Variants in AHI1 observed in about 807,000 individuals in gnomAD.
The protein encoded by AHI1 is Abelson helper integration site 1.
In AHI1, 123 loss-of-function variants were observed where a neutral mutation model predicts 149.3. The observed-to-expected ratio is 0.82, with a 90% CI of 0.71 to 0.96. The LOEUF is 0.96. Among genes scored for constraint, AHI1 ranks in the 40% least tolerant of loss-of-function variants. The pLI is 0.00. For missense variants in AHI1, 1,439 were observed against 1,422.7 expected, an observed-to-expected ratio of 1.01 and a Z score of -0.18; for synonymous variants, 475 against 459.8, an observed-to-expected ratio of 1.03 and a Z score of -0.42.
chr6:135,297,619 G>A (rs1783275062), intron 27 of AHI1: 3 of 425,338 alleles, frequency 7.1e-6, no homozygotes, highest in African/African-American at 2.0e-5. Flanking sequence ...AATGCATCTA[G>A]CTCACTGCTG....
chr6:135,441,050 C>T lies in AHI1; in HGVS notation c.1912+1532G>A, dbSNP rs1401293091. 2.6e-5 allele frequency among the ~76,000 whole-genome samples: 4 copies of T among 151,520 alleles called. No individual in the cohort carries two copies. In the East Asian group the frequency reaches 7.7e-4, roughly 29 times the overall value. Reference sequence around the variant, plus strand: ...TTCAATCCACTATTATAAATATATTCCAAGATCTAAAGAAAACTATATCTA... The same window carrying T: ...TTCAATCCACTATTATAAATATATTTCAAGATCTAAAGAAAACTATATCTA... On this transcript the variant is annotated intron_variant, in intron 14 of 28. Transcript: ENST00000265602.
intron 5 of AHI1, among the ~76,000 whole-genome samples, chr6:135,475,567 T>C (rs1215059432): frequency 6.6e-6 from 1 of 152,218 alleles, no homozygotes; most frequent in Admixed American, 6.5e-5. Flanking sequence ...ACACAGGCAC[T>C]GAATGCTCTG....
At chr6:135,299,038 T>G (rs996870617) in intron 27 of AHI1, among the ~76,000 whole-genome samples, 4 of 152,192 alleles carry the variant, frequency 2.6e-5, no homozygotes, top group Admixed American at 2.0e-4. Context: ...TGTATTTTGT[T>G]GTTGAGTATA....
chr6:135,295,757 G>C (rs1783002531), intron 27 of AHI1, among the ~76,000 whole-genome samples: 1 of 152,220 alleles, frequency 6.6e-6, no homozygotes, highest in Admixed American at 6.5e-5. Flanking sequence ...AAGAGCATCA[G>C]AAGTCTTGGA....
chr6:135,432,970 T>C, intron 16 of AHI1, 57 bp downstream of exon 16: 1 of 1,314,982 alleles, frequency 7.6e-7, no homozygotes, highest in Non-Finnish European at 1.1e-6. Context: ...ATAACTATTA[T>C]TCTGGTAAAA....
intron 24 of AHI1, among the ~76,000 whole-genome samples, chr6:135,328,496 T>C (rs535306744): frequency 0.011 from 516 of 48,290 alleles, 4 homozygotes; most frequent in African/African-American, 0.02. Flanking sequence ...CCATAAACCA[T>C]AGCCATAGAA....
chr6:135,344,980 C>G (rs1790976293), intron 24 of AHI1, among the ~76,000 whole-genome samples: 1 of 147,806 alleles, frequency 6.8e-6, no homozygotes. Context: ...ATCTAGTATA[C>G]ATAATTATAT....
intron 13 of AHI1, 70 bp downstream of exon 13, chr6:135,446,938 T>C: frequency 6.8e-7 from 1 of 1,462,410 alleles, no homozygotes; most frequent in Non-Finnish European, 9.2e-7. Flanking sequence ...CTAGATATCC[T>C]AGGAGTTATT....
Position 135,467,676 on chromosome 6 carries a change from T to C in AHI1, c.136-42A>G, listed in dbSNP as rs1158407621. 1.7e-5 allele frequency: 24 copies of C among 1,420,112 alleles called. No individual in the cohort carries two copies. In the East Asian group the frequency reaches 5.5e-4, roughly 33 times the overall value. The allele number at this position is 1,420,112 out of a possible 1,614,324, so 88.0% of individuals were successfully genotyped here. On this transcript the variant is annotated intron_variant, in intron 5 of 28. Transcript: ENST00000265602. ...AATAAAGTTTCAGCTAAGCGTAGAT[T>C]AGTTGTATCAAGAAAAACCAATAAT...
chr6:135,485,068 A>G (rs899413481), intron 5 of AHI1, among the ~76,000 whole-genome samples: 1 of 149,584 alleles, frequency 6.7e-6, no homozygotes, highest in African/African-American at 2.5e-5. Context: ...TTATATGTAC[A>G]ATTTCTTTTT....
intron 14 of AHI1, among the ~76,000 whole-genome samples, chr6:135,440,477 T>C (rs1489456112): frequency 1.3e-5 from 2 of 152,104 alleles, no homozygotes; most frequent in Non-Finnish European, 2.9e-5. Context: ...TCTAGAAGGA[T>C]TCCCATCCAT....
chr6:135,408,987 T>C (rs1254950657), intron 21 of AHI1, among the ~76,000 whole-genome samples: 1 of 152,164 alleles, frequency 6.6e-6, no homozygotes, highest in East Asian at 1.9e-4. Flanking sequence ...TCCAATTTTA[T>C]GGGAAATACC....
intron 20 of AHI1, among the ~76,000 whole-genome samples, chr6:135,422,132 C>T (rs550936291): frequency 1.3e-5 from 2 of 152,204 alleles, no homozygotes; most frequent in East Asian, 1.9e-4. Context: ...ACCACTACAT[C>T]GTATCTATAT....
intron 13 of AHI1, among the ~76,000 whole-genome samples, chr6:135,444,427 A>G (rs764934828): frequency 3.3e-5 from 5 of 152,192 alleles, no homozygotes; most frequent in Non-Finnish European, 7.4e-5. Context: ...TCTGGTTTCC[A>G]ACCAGCTAAG....
At chr6:135,301,740 T>C (rs1170774850) in intron 26 of AHI1, 3 of 985,322 alleles carry the variant, frequency 3.0e-6, no homozygotes, top group Admixed American at 1.2e-4. Flanking sequence ...AAAGAACCCA[T>C]GACATCTTAA....
intron 26 of AHI1, among the ~76,000 whole-genome samples, chr6:135,312,451 T>G (rs1297666225): frequency 1.3e-5 from 2 of 151,944 alleles, no homozygotes; most frequent in Non-Finnish European, 2.9e-5. Flanking sequence ...GAGGTGGAGG[T>G]TGCAGTGAGC....
At position 135,492,250 on chromosome 6, in the gene AHI1, T is replaced by C; in HGVS notation, c.-13A>G. The C allele has an allele frequency of 6.5e-7, 1 of 1,538,226 alleles. No homozygotes were observed. The highest frequency in any genetic ancestry group is 8.8e-7 in the Non-Finnish European group (1 of 1,139,840). On this transcript the variant is annotated 5_prime_UTR_variant, in exon 4 of 29. Coordinates refer to ENST00000265602, the MANE Select transcript of AHI1 (RefSeq NM_001134831.2). ...TACCTGTAGGCATCTCTCAGCTTTA[T>C]GCAGAGGACTGAGAATGCAAAGCAT...
chr6:135,296,155 G>A lies in AHI1; in HGVS notation c.3485+4345C>T, dbSNP rs1025293364. Among the ~76,000 whole-genome samples the A allele has an allele frequency of 1.1e-4, 16 of 152,200 alleles. No individual in the cohort carries two copies. In the East Asian group the frequency reaches 1.2e-3, roughly 11 times the overall value. ...CAGGCGTGAGCCACCGCGCCTGGCC[G>A]CAATTTATTTTATATCAAGTGTATC... On this transcript the variant is annotated intron_variant, in intron 27 of 28. Transcript: ENST00000265602.
intron 16 of AHI1, among the ~76,000 whole-genome samples, chr6:135,432,448 G>T (rs1784799557): frequency 6.6e-6 from 1 of 152,114 alleles, no homozygotes; most frequent in Non-Finnish European, 1.5e-5. Flanking sequence ...TACCTCCAGG[G>T]TTCAAGCGAT....
Sources: gnomAD v4.1 joint callset for allele counts (sites outside exome capture counted in the v4.1 genomes callset) on GRCh38, gnomAD v4.1.1 for gene constraint, MANE v1.5 for transcripts, NCBI Gene and HGNC (gene_info 2026-07-23, HGNC 2026-07-21) for gene names.